The following SLC38A6 variants were observed in gnomAD, a reference collection of about 807,000 sequenced individuals.
SLC38A6 encodes N system amino acid transporter NAT-1.
In SLC38A6, 73 loss-of-function variants were observed where a neutral mutation model predicts 65.0. The observed-to-expected ratio is 1.12, with a 90% confidence interval of 0.93 to 1.37. The LOEUF (loss-of-function observed/expected upper bound fraction) is 1.37. Among genes scored for constraint, SLC38A6 ranks in the 40% most tolerant of loss-of-function variants. SLC38A6 has a pLI of 0.00. For synonymous variants in SLC38A6, 183 were observed against 178.8 expected (o/e 1.02, Z -0.19); for missense variants, 561 against 531.1 (o/e 1.06, Z -0.55).
intron 5 of SLC38A6, among the ~76,000 whole-genome samples, chr14:61,024,722 T>A (rs1209889182): frequency 6.6e-6 from 1 of 152,192 alleles, no homozygotes; most frequent in Non-Finnish European, 1.5e-5. Flanking sequence ...AGGCTAGAAT[T>A]ATCACTAGAA....
chr14:61,045,233 T>C, intron 10 of SLC38A6, 113 bp from the exon 11 acceptor site: 1 of 678,246 alleles, frequency 1.5e-6, no homozygotes, highest in South Asian at 1.9e-5. Context: ...TCATTAAAGA[T>C]GAAATAAATG....
intron 1 of SLC38A6, chr14:60,982,274 G>C (rs1217796271): frequency 1.8e-6 from 1 of 565,454 alleles, no homozygotes; most frequent in Non-Finnish European, 3.3e-6. Context: ...AACTCTGCCT[G>C]TCTTGTGTAC....
chr14:60,982,154 A>T, intron 1 of SLC38A6: 2 of 462,256 alleles, frequency 4.3e-6, no homozygotes, highest in Non-Finnish European at 8.6e-6. Flanking sequence ...TGACTCAGCA[A>T]TTCTTTAGTA....
In SLC38A6 at chr14:61,017,598, A is replaced by C. The variant is rs529333899; in HGVS notation, c.363+1642A>C. 1.0e-3 allele frequency among the ~76,000 whole-genome samples: 157 copies of C among 152,356 alleles called. 1 individual carries two copies. Among genetic ancestry groups the C allele is most frequent in the South Asian group, 1.0e-3 (5 of 4,826 alleles). On this transcript the variant is annotated intron_variant, in intron 4 of 15. Coordinates refer to ENST00000267488, the MANE Select transcript of SLC38A6 (RefSeq NM_153811.3). ...TATGAGAAAATTCCACAATTAATAT[A>C]ACATAACCTATAAACATAACTCTAA...
chr14:61,043,916 T>A (rs1300371622), intron 10 of SLC38A6, among the ~76,000 whole-genome samples: 2 of 152,160 alleles, frequency 1.3e-5, no homozygotes, highest in Non-Finnish European at 2.9e-5. Flanking sequence ...CTAAACAGCC[T>A]CATCATTGGA....
intron 16 of SLC38A6, chr14:61,083,473 A>G: frequency 6.7e-7 from 1 of 1,489,586 alleles, no homozygotes; most frequent in Non-Finnish European, 8.9e-7. Context: ...GTATTTGGAG[A>G]TAGGGTCTTT....
chr14:61,014,683 A>G (rs2039858653), intron 3 of SLC38A6, among the ~76,000 whole-genome samples: 1 of 152,214 alleles, frequency 6.6e-6, no homozygotes, highest in Non-Finnish European at 1.5e-5. Flanking sequence ...TCAGCAGCAG[A>G]GGCTGCAGAA....
chr14:61,050,920 GT>G (rs917190429), intron 13 of SLC38A6, among the ~76,000 whole-genome samples: 2 of 152,200 alleles, frequency 1.3e-5, no homozygotes, highest in South Asian at 2.1e-4. Flanking sequence ...AAAGTTTTGG[GT>G]TTTTCCCCCC....
At chr14:61,046,573 G>A (rs1458109457) in intron 12 of SLC38A6, among the ~76,000 whole-genome samples, 1 of 152,064 alleles carries the variant, frequency 6.6e-6, no homozygotes, top group Non-Finnish European at 1.5e-5. Flanking sequence ...AAAGGAAAGG[G>A]TTTTACACAG....
Position 60,984,913 on chromosome 14 carries a change from T to A in SLC38A6, c.310+110T>A, listed in dbSNP as rs2037340627. ...AATATCCAGTGAGCATACATTTTTA[T>A]TAGATAGGGTGATCGGAATGGAGAA... On this transcript the variant is annotated intron_variant, in intron 3 of 15. Coordinates refer to ENST00000267488, the MANE Select transcript of SLC38A6 (RefSeq NM_153811.3). 5 of 1,012,326 alleles carry A rather than the reference T, an allele frequency of 4.9e-6. No homozygotes were observed. In the Admixed American group the frequency reaches 5.8e-5, roughly 12 times the overall value. 62.7% of individuals were successfully genotyped at this position (1,012,326 alleles called of 1,614,324 possible).
At chr14:61,034,694 T>C (rs2041232109) in intron 6 of SLC38A6, among the ~76,000 whole-genome samples, 1 of 152,196 alleles carries the variant, frequency 6.6e-6, no homozygotes, top group African/African-American at 2.4e-5. Context: ...TTGAGTATCA[T>C]TTTTGTATTA....
intron 3 of SLC38A6, among the ~76,000 whole-genome samples, chr14:61,012,099 G>A (rs2039622816): frequency 6.6e-6 from 1 of 152,026 alleles, no homozygotes; most frequent in Non-Finnish European, 1.5e-5. Context: ...ACTTCTTCCT[G>A]GTTTAGTGTT....
intron 3 of SLC38A6, among the ~76,000 whole-genome samples, chr14:61,005,414 A>G (rs547766566): frequency 7.5e-6 from 1 of 134,160 alleles, no homozygotes; most frequent in South Asian, 2.6e-4. Flanking sequence ...AGATGACATG[A>G]TTGTATATCT....
chr14:61,038,071 TTAA>T (rs2041523724), intron 8 of SLC38A6, among the ~76,000 whole-genome samples: 1 of 152,102 alleles, frequency 6.6e-6, no homozygotes, highest in African/African-American at 2.4e-5. Flanking sequence ...CTTTATTCCA[TTAA>T]TAAAAAAACA....
chr14:60,984,994 A>G (rs1269969021), intron 3 of SLC38A6, among the ~76,000 whole-genome samples, 191 bp downstream of exon 3: 1 of 152,186 alleles, frequency 6.6e-6, no homozygotes, highest in Non-Finnish European at 1.5e-5. Flanking sequence ...CAAGCACAGG[A>G]TGGGAGGAGG....
chr14:60,996,791 G>A (rs2038323762), intron 3 of SLC38A6, among the ~76,000 whole-genome samples: 1 of 152,076 alleles, frequency 6.6e-6, no homozygotes, highest in South Asian at 2.1e-4. Context: ...CCACAGTAGT[G>A]AAAGTCTTCC....
chr14:61,025,971 A>C (rs546314598), intron 5 of SLC38A6, among the ~76,000 whole-genome samples: 5 of 152,344 alleles, frequency 3.3e-5, no homozygotes, highest in Non-Finnish European at 7.4e-5. Flanking sequence ...TTTAGGGCTG[A>C]GTAATCCTTT....
At chr14:60,997,509 T>C (rs186785453) in intron 3 of SLC38A6, among the ~76,000 whole-genome samples, 1 of 152,314 alleles carries the variant, frequency 6.6e-6, no homozygotes, top group East Asian at 1.9e-4. Flanking sequence ...CCCTCTGGAT[T>C]GTGTTCAGGA....
chr14:60,992,393 T>C (rs11158315), intron 3 of SLC38A6, among the ~76,000 whole-genome samples: 141,974 of 152,256 alleles, frequency 0.93, 66,581 homozygotes, highest in Non-Finnish European at 0.99. Context: ...CACCCAGTTA[T>C]AAATTAATTT....
Sources: allele counts gnomAD v4.1 joint callset (sites outside exome capture counted in the v4.1 genomes callset), GRCh38; gene constraint gnomAD v4.1.1; transcripts MANE v1.5; gene names NCBI Gene and HGNC (gene_info 2026-07-23, HGNC 2026-07-21).